The following TGFBR3 variants were observed in gnomAD, a reference collection of about 807,000 sequenced individuals.
TGFBR3 encodes transforming growth factor beta receptor 3.
In TGFBR3, 46 loss-of-function variants were observed where a neutral mutation model predicts 87.9. That is an observed-to-expected ratio of 0.52 (90% CI 0.41 to 0.67). The LOEUF (loss-of-function observed/expected upper bound fraction) is 0.67. Ranked by LOEUF, TGFBR3 falls within the 30% of genes least tolerant of loss-of-function variation. The pLI, the probability that TGFBR3 is intolerant of heterozygous loss-of-function variation, is 0.00. For missense variants in TGFBR3, 866 were observed against 1,041.9 expected (o/e 0.83, Z 2.32); for synonymous variants, 381 against 391.6 (o/e 0.97, Z 0.32).
At chr1:91,744,225 C>T (rs1439290024) in intron 4 of TGFBR3, among the ~76,000 whole-genome samples, 1 of 151,826 alleles carries the variant, frequency 6.6e-6, no homozygotes, top group Non-Finnish European at 1.5e-5. Flanking sequence ...GCTGGGATTA[C>T]AGGCACCTGC....
At position 91,698,108 on chromosome 1, in the gene TGFBR3, T is replaced by C; in HGVS notation, c.2310A>G (p.Glu770=). The part of the protein sequence containing the change: ...ESKEKGPSMK[E]PNPISPPIFH... ...ACTTACGTGGAGAAATTGGATTTGG[T>C]TCCTTCATGCTTGGACCTTTTTCTG... The change falls in exon 15 of 17, where the codon GAA becomes GAG. Residue 770 remains glutamate, a synonymous_variant. Transcript: ENST00000212355. The C allele has an allele frequency of 6.2e-7, 1 of 1,614,066 alleles. No individual in the cohort carries two copies. The highest frequency in any genetic ancestry group is 1.1e-5 in the South Asian group (1 of 91,080).
intron 12 of TGFBR3, 138 bp downstream of exon 12, chr1:91,716,098 G>T: frequency 9.5e-7 from 1 of 1,047,584 alleles, no homozygotes; most frequent in Non-Finnish European, 1.4e-6. Flanking sequence ...AGCGTTCTCT[G>T]AGCCAATCCC....
At chr1:91,809,667 G>A (rs186776374) in intron 2 of TGFBR3, among the ~76,000 whole-genome samples, 2 of 152,150 alleles carry the variant, frequency 1.3e-5, no homozygotes, top group African/African-American at 4.8e-5. Context: ...ACATAATCAG[G>A]GCACTCACAA....
In TGFBR3 at chr1:91,695,689, TACC is replaced by T; in HGVS notation, c.2417_2419del (p.Trp806del). ...ACACTAACCTGTGTGAGAATAGATG[TACC>T]ACAAGGCCCCCGTCAGGAGTGCTCC... On this transcript the variant is annotated inframe_deletion, in exon 16 of 17. Coordinates refer to ENST00000212355, the MANE Select transcript of TGFBR3 (RefSeq NM_003243.5). The T allele has an allele frequency of 2.5e-6, 4 of 1,614,152 alleles. No individual in the cohort carries two copies. Among genetic ancestry groups the T allele is most frequent in the Non-Finnish European group, 3.4e-6 (4 of 1,179,980 alleles).
chr1:91,873,135 CTT>C (rs911043036), intron 1 of TGFBR3, among the ~76,000 whole-genome samples: 1 of 151,850 alleles, frequency 6.6e-6, no homozygotes, highest in Non-Finnish European at 1.5e-5. Flanking sequence ...ACCCAGCTGA[CTT>C]TTTAAGATTT....
intron 2 of TGFBR3, among the ~76,000 whole-genome samples, chr1:91,846,695 A>C (rs1677515065): frequency 6.6e-6 from 1 of 152,216 alleles, no homozygotes; most frequent in Non-Finnish European, 1.5e-5. Context: ...AGAAAAAAAC[A>C]AAAAGTTGTA....
In TGFBR3 at chr1:91,813,202, G is replaced by A. The variant is rs538802954; in HGVS notation, c.62-15731C>T. On this transcript the variant is annotated intron_variant, in intron 2 of 16. Transcript: ENST00000212355. The stretch of plus-strand genomic sequence containing the variant: ...AAACTGATACTGTATCATAATATTA[G>A]TGACAATATTAGGGACACTGTCCAC... Among the ~76,000 whole-genome samples the A allele has an allele frequency of 5.0e-4, 76 of 152,198 alleles. 1 individual carries two copies. The highest frequency in any genetic ancestry group is 1.7e-3 in the African/African-American group (72 of 41,522).
At position 91,723,152 on chromosome 1, in the gene TGFBR3, T is replaced by C. The variant is rs115750175; in HGVS notation, c.886-1008A>G. On this transcript the variant is annotated intron_variant, in intron 7 of 16. Coordinates refer to ENST00000212355, the MANE Select transcript of TGFBR3 (RefSeq NM_003243.5). ...ATTTAGGTTACTCTCCCCTTAAGTA[T>C]CACTGTTTTATCCAGTAATACAAGT... Among the ~76,000 whole-genome samples the C allele has an allele frequency of 9.8e-3, 1,490 of 152,262 alleles. 24 individuals are homozygous for C. The highest frequency in any genetic ancestry group is 0.033 in the African/African-American group (1,367 of 41,536).
At chr1:91,869,656 T>C in intron 1 of TGFBR3, among the ~76,000 whole-genome samples, 1 of 152,140 alleles carries the variant, frequency 6.6e-6, no homozygotes, top group Non-Finnish European at 1.5e-5. Flanking sequence ...AGAGCGAGAC[T>C]CCGTCTCAAA....
intron 1 of TGFBR3, among the ~76,000 whole-genome samples, chr1:91,900,625 T>C (rs140984982): frequency 6.6e-6 from 1 of 152,240 alleles, no homozygotes; most frequent in Non-Finnish European, 1.5e-5. Context: ...CTTGACCATT[T>C]CTACCTTGCA....
chr1:91,680,933 A>C lies in TGFBR3; in HGVS notation c.*2806T>G, dbSNP rs1378197534. The C allele has an allele frequency of 4.4e-6, 2 of 454,136 alleles. No individual in the cohort carries two copies. Among genetic ancestry groups the C allele is most frequent in the Non-Finnish European group, 8.8e-6 (2 of 226,774 alleles). The allele number at this position is 454,136 out of a possible 1,614,324, so 28.1% of individuals were successfully genotyped here. A position where few individuals can be genotyped will look rare whatever the true frequency, so the allele number is the denominator to read the frequency against. ...AGAAATCTCTGGCTTTTTAAAATAC[A>C]GAGTAACAGCTGGTAAACACCACAT... On this transcript the variant is annotated 3_prime_UTR_variant, in exon 17 of 17. Coordinates refer to ENST00000212355, the MANE Select transcript of TGFBR3 (RefSeq NM_003243.5).
At chr1:91,872,981 G>A (rs1227206510) in intron 1 of TGFBR3, among the ~76,000 whole-genome samples, 1 of 151,890 alleles carries the variant, frequency 6.6e-6, no homozygotes, top group Non-Finnish European at 1.5e-5. Flanking sequence ...GGTGGGAGGG[G>A]GGGATAGGGT....
intron 1 of TGFBR3, among the ~76,000 whole-genome samples, chr1:91,865,246 T>C (rs1430658881): frequency 6.6e-6 from 1 of 150,792 alleles, no homozygotes; most frequent in African/African-American, 2.4e-5. Context: ...GAAATATAGG[T>C]TCTGTCTATG....
At position 91,683,709 on chromosome 1, in the gene TGFBR3, C is replaced by G; in HGVS notation, c.*30G>C. ...AGTAGCTGAGCTGAGCTGGGCTGGGCTGGGTTGGGCCGGGTTGGGCTGGGT... is the reference window on the plus strand; with the variant it reads ...AGTAGCTGAGCTGAGCTGGGCTGGGGTGGGTTGGGCCGGGTTGGGCTGGGT... On this transcript the variant is annotated 3_prime_UTR_variant, in exon 17 of 17. Coordinates refer to ENST00000212355, the MANE Select transcript of TGFBR3 (RefSeq NM_003243.5). The G allele has an allele frequency of 1.4e-6, 2 of 1,472,730 alleles. No homozygotes were observed. Among genetic ancestry groups the G allele is most frequent in the Non-Finnish European group, 1.8e-6 (2 of 1,104,062 alleles). 91.2% of individuals were successfully genotyped at this position (1,472,730 alleles called of 1,614,324 possible).
chr1:91,875,619 G>A (rs1231072522), intron 1 of TGFBR3, among the ~76,000 whole-genome samples: 1 of 151,980 alleles, frequency 6.6e-6, no homozygotes, highest in East Asian at 1.9e-4. Flanking sequence ...TGGGCACTGT[G>A]GCTCACGTCT....
intron 2 of TGFBR3, among the ~76,000 whole-genome samples, chr1:91,852,518 T>A (rs575719269): frequency 1.3e-5 from 2 of 152,172 alleles, no homozygotes; most frequent in Non-Finnish European, 2.9e-5. Flanking sequence ...GTGCACAATA[T>A]CCTCAAAGGG....
At chr1:91,752,511 C>G (rs985048902) in intron 4 of TGFBR3, among the ~76,000 whole-genome samples, 5 of 152,196 alleles carry the variant, frequency 3.3e-5, no homozygotes, top group Non-Finnish European at 7.3e-5. Flanking sequence ...CTTGAAACTT[C>G]TAATCTTAGA....
chr1:91,849,742 C>T (rs565475730), intron 2 of TGFBR3, among the ~76,000 whole-genome samples: 108 of 152,212 alleles, frequency 7.1e-4, no homozygotes, highest in African/African-American at 2.6e-3. Flanking sequence ...TCAGTAAATC[C>T]TTGTTAAATC....
chr1:91,847,744 A>G (rs1345939755), intron 2 of TGFBR3, among the ~76,000 whole-genome samples: 1 of 151,796 alleles, frequency 6.6e-6, no homozygotes, highest in African/African-American at 2.4e-5. Flanking sequence ...TCGCTAACCC[A>G]CCTAAAGTCC....
Sources: allele counts gnomAD v4.1 joint callset (sites outside exome capture counted in the v4.1 genomes callset), GRCh38; gene constraint gnomAD v4.1.1; transcripts MANE v1.5; gene names NCBI Gene and HGNC (gene_info 2026-07-23, HGNC 2026-07-21).